Variants in DGKB observed in about 807,000 individuals in gnomAD.
The protein encoded by DGKB is 90 kDa diacylglycerol kinase.
DGKB carries 67 observed loss-of-function variants against 114.3 expected under a neutral mutation model. That is an observed-to-expected ratio of 0.59 (90% CI 0.48 to 0.72). The LOEUF is 0.72. Ranked by LOEUF, DGKB falls within the 30% of genes least tolerant of loss-of-function variation. The pLI is 0.00. For synonymous variants in DGKB, 398 were observed against 323.1 expected, an observed-to-expected ratio of 1.23 and a Z score of -2.49; for missense variants, 907 against 975.2, an observed-to-expected ratio of 0.93 and a Z score of 0.93.
intron 23 of DGKB, among the ~76,000 whole-genome samples, chr7:14,282,721 T>C (rs1050729823): frequency 4.6e-5 from 7 of 152,036 alleles, no homozygotes; most frequent in Middle Eastern, 3.4e-3. Flanking sequence ...CGCAAATCAA[T>C]AAATGTAATC....
At chr7:14,704,848 A>G (rs1453226230) in intron 6 of DGKB, among the ~76,000 whole-genome samples, 2 of 152,170 alleles carry the variant, frequency 1.3e-5, no homozygotes, top group South Asian at 2.1e-4. Flanking sequence ...CCAAAAGTAG[A>G]TAAAACCACA....
At chr7:14,768,965 T>C (rs972864984) in intron 2 of DGKB, among the ~76,000 whole-genome samples, 2 of 151,812 alleles carry the variant, frequency 1.3e-5, no homozygotes, top group Non-Finnish European at 2.9e-5. Flanking sequence ...GCTAAATGTG[T>C]AGGGTATTTT....
At chr7:14,398,555 C>A (rs960819765) in intron 21 of DGKB, among the ~76,000 whole-genome samples, 2 of 151,928 alleles carry the variant, frequency 1.3e-5, no homozygotes, top group African/African-American at 4.8e-5. Flanking sequence ...TGTGTGAAGG[C>A]AAAATCTTGG....
intron 23 of DGKB, among the ~76,000 whole-genome samples, chr7:14,237,299 A>G (rs917830006): frequency 1.3e-5 from 2 of 151,952 alleles, no homozygotes; most frequent in African/African-American, 4.8e-5. Context: ...TGCTCAATGT[A>G]TTCATGTTTC....
At chr7:14,813,706 CTGTTT>C (rs1843723049) in intron 2 of DGKB, among the ~76,000 whole-genome samples, 1 of 151,920 alleles carries the variant, frequency 6.6e-6, no homozygotes, top group African/African-American at 2.4e-5. Flanking sequence ...TGCTTTTAAG[CTGTTT>C]TGTTTTATAT....
At chr7:14,363,459 T>C (rs1432022291) in intron 21 of DGKB, among the ~76,000 whole-genome samples, 2 of 152,058 alleles carry the variant, frequency 1.3e-5, no homozygotes, top group East Asian at 3.9e-4. Context: ...TTGTGATTCC[T>C]AGAGGGAAGC....
At chr7:14,842,030 G>T (rs999631835) in intron 1 of DGKB, among the ~76,000 whole-genome samples, 1 of 152,156 alleles carries the variant, frequency 6.6e-6, no homozygotes, top group Non-Finnish European at 1.5e-5. Flanking sequence ...TAAATCTCTA[G>T]GTTGTCATGG....
intron 9 of DGKB, among the ~76,000 whole-genome samples, chr7:14,692,876 C>T (rs907021711): frequency 1.3e-5 from 2 of 151,964 alleles, no homozygotes; most frequent in East Asian, 3.9e-4. Flanking sequence ...ATAGTAATCT[C>T]TTGAAACCTA....
intron 2 of DGKB, among the ~76,000 whole-genome samples, chr7:14,821,602 C>A (rs1844942286): frequency 6.6e-6 from 1 of 152,124 alleles, no homozygotes; most frequent in South Asian, 2.1e-4. Flanking sequence ...TCGTAGAAGG[C>A]AAAAGAAAGT....
At chr7:14,313,059 T>C (rs1733799518) in intron 23 of DGKB, among the ~76,000 whole-genome samples, 1 of 152,252 alleles carries the variant, frequency 6.6e-6, no homozygotes, top group South Asian at 2.1e-4. Context: ...TGCAAAAGAG[T>C]ACAAAAAATT....
chr7:14,185,864 A>T (rs1783347579), intron 23 of DGKB, among the ~76,000 whole-genome samples: 1 of 152,134 alleles, frequency 6.6e-6, no homozygotes, highest in Admixed American at 6.5e-5. Flanking sequence ...TACAAAAATC[A>T]ATTCAAGATG....
chr7:14,377,857 C>T (rs778754096), intron 21 of DGKB, among the ~76,000 whole-genome samples: 5 of 152,088 alleles, frequency 3.3e-5, no homozygotes, highest in East Asian at 1.9e-4. Flanking sequence ...TCTTCACAGC[C>T]GTGGTTTGGG....
chr7:14,401,327 A>G (rs190936028), intron 21 of DGKB, among the ~76,000 whole-genome samples: 1 of 152,052 alleles, frequency 6.6e-6, no homozygotes, highest in African/African-American at 2.4e-5. Flanking sequence ...CTTATCTACC[A>G]TCTCATAAGC....
At chr7:14,519,737 C>T (rs1339823277) in intron 20 of DGKB, among the ~76,000 whole-genome samples, 3 of 151,836 alleles carry the variant, frequency 2.0e-5, no homozygotes, top group Non-Finnish European at 4.4e-5. Context: ...TTTTTGATTA[C>T]AGCCTTCTCA....
chr7:14,923,486 A>T (rs1784606536), intron 1 of DGKB, among the ~76,000 whole-genome samples: 1 of 152,220 alleles, frequency 6.6e-6, no homozygotes, highest in African/African-American at 2.4e-5. Flanking sequence ...TTTGTAGAAT[A>T]TGCAAGTTAG....
chr7:14,767,480 C>T (rs1836640079), intron 2 of DGKB, among the ~76,000 whole-genome samples: 2 of 151,784 alleles, frequency 1.3e-5, no homozygotes, highest in South Asian at 4.1e-4. Context: ...GACAGTGAGC[C>T]CTTATCATCA....
At chr7:14,973,929 T>C (rs1000744173) in intron 1 of DGKB, among the ~76,000 whole-genome samples, 2 of 149,246 alleles carry the variant, frequency 1.3e-5, no homozygotes, top group Admixed American at 6.7e-5. Flanking sequence ...AAATTTAAAA[T>C]TATTTAAAAT....
intron 21 of DGKB, among the ~76,000 whole-genome samples, chr7:14,407,132 C>G (rs184215479): frequency 2.6e-5 from 4 of 152,170 alleles, no homozygotes; most frequent in Admixed American, 2.0e-4. Flanking sequence ...ATGAGGCATT[C>G]TAGTGCATGA....
chr7:14,424,097 T>C (rs886290727), intron 21 of DGKB, among the ~76,000 whole-genome samples: 1 of 152,098 alleles, frequency 6.6e-6, no homozygotes, highest in Non-Finnish European at 1.5e-5. Flanking sequence ...CCTTACTCTC[T>C]ACGTCTTCCA....
Sources: gnomAD v4.1 joint callset for allele counts (sites outside exome capture counted in the v4.1 genomes callset) on GRCh38, gnomAD v4.1.1 for gene constraint, MANE v1.5 for transcripts, NCBI Gene and HGNC (gene_info 2026-07-23, HGNC 2026-07-21) for gene names.